The following ARHGEF7 variants were observed in gnomAD, a reference collection of about 807,000 sequenced individuals.
The protein encoded by ARHGEF7 is PAK-interacting exchange factor beta.
In ARHGEF7, 33 loss-of-function variants were observed where a neutral mutation model predicts 109.8. The observed-to-expected ratio is 0.30, with a 90% CI of 0.23 to 0.40. ARHGEF7 has a LOEUF of 0.40. Ranked by LOEUF, ARHGEF7 falls within the 10% of genes least tolerant of loss-of-function variation. ARHGEF7 has a pLI of 1.00. For synonymous variants in ARHGEF7, 458 were observed against 424.6 expected, an observed-to-expected ratio of 1.08 and a Z score of -0.97; for missense variants, 938 against 1,098.5, an observed-to-expected ratio of 0.85 and a Z score of 2.07.
At chr13:111,302,722 C>G (rs575314792) in intron 21 of ARHGEF7, among the ~76,000 whole-genome samples, 1 of 152,134 alleles carries the variant, frequency 6.6e-6, no homozygotes, top group Non-Finnish European at 1.5e-5. Context: ...TATTTTCTTA[C>G]GGTATGTTCT....
chr13:111,302,540 A>T (rs2093592993), intron 21 of ARHGEF7, among the ~76,000 whole-genome samples: 1 of 152,150 alleles, frequency 6.6e-6, no homozygotes, highest in Non-Finnish European at 1.5e-5. Flanking sequence ...CTGTTTGTGC[A>T]TGCCTCCTAC....
chr13:111,165,347 G>T (rs1321175287), intron 2 of ARHGEF7, among the ~76,000 whole-genome samples: 1 of 152,182 alleles, frequency 6.6e-6, no homozygotes, highest in Non-Finnish European at 1.5e-5. Flanking sequence ...GTGGGCAGCC[G>T]GGTAAGTCTT....
chr13:111,253,757 T>C (rs2090076761), intron 8 of ARHGEF7, among the ~76,000 whole-genome samples: 1 of 152,168 alleles, frequency 6.6e-6, no homozygotes, highest in African/African-American at 2.4e-5. Context: ...TGCTTGAGTG[T>C]TCTGGGTGCT....
chr13:111,164,117 T>G (rs751967734), intron 2 of ARHGEF7, among the ~76,000 whole-genome samples: 2 of 152,190 alleles, frequency 1.3e-5, no homozygotes, highest in Non-Finnish European at 2.9e-5. Flanking sequence ...GGACCCAGGT[T>G]TGTTGAGAAC....
rs12429461 is a variant in ARHGEF7, at chr13:111,172,336, C to T, written c.252+18345C>T. On this transcript the variant is annotated intron_variant, in intron 2 of 21. Coordinates refer to ENST00000646102, the MANE Select transcript of ARHGEF7 (RefSeq NM_001354046.2). ...ATTCAGTTCTATAAATGGAAGCACT[C>T]ACTGAATCAGTGCTCTAGGGGCTTT... 2.2e-3 allele frequency among the ~76,000 whole-genome samples: 335 copies of T among 151,960 alleles called. 3 individuals are homozygous for T. The highest frequency in any genetic ancestry group is 0.019 in the Admixed American group (288 of 15,276).
intron 2 of ARHGEF7, among the ~76,000 whole-genome samples, chr13:111,195,263 G>A (rs1266387238): frequency 6.6e-6 from 1 of 152,138 alleles, no homozygotes; most frequent in African/African-American, 2.4e-5. Context: ...TCAAGTAGGG[G>A]ACAACAAATG....
chr13:111,118,791 A>G (rs563533108), intron 1 of ARHGEF7, among the ~76,000 whole-genome samples: 14 of 152,368 alleles, frequency 9.2e-5, no homozygotes, highest in African/African-American at 3.4e-4. Flanking sequence ...TTGTGAATGC[A>G]ACAAATGAAG....
In ARHGEF7 at chr13:111,205,379, A is replaced by G. The variant is rs190582021; in HGVS notation, c.337+6A>G. The G allele has an allele frequency of 6.3e-7, 1 of 1,578,106 alleles. No individual in the cohort carries two copies. The highest frequency in any genetic ancestry group is 2.3e-5 in the East Asian group (1 of 43,096). On this transcript the variant is annotated splice_donor_region_variant and intron_variant, in intron 3 of 21. Transcript: ENST00000646102. ...TCTAAATAAAGTAACAGCAGGTAAG[A>G]CTCTTTTTTATTGAACTCGAGGGGG...
At chr13:111,225,589 C>G (rs4773336) in intron 5 of ARHGEF7, among the ~76,000 whole-genome samples, 39,121 of 151,776 alleles carry the variant, frequency 0.26, 6,026 homozygotes, top group East Asian at 0.78. Flanking sequence ...CATGTGCCCA[C>G]TTGTCCCAGT....
chr13:111,177,527 A>C (rs1428831869), intron 2 of ARHGEF7, among the ~76,000 whole-genome samples: 1 of 152,104 alleles, frequency 6.6e-6, no homozygotes, highest in African/African-American at 2.4e-5. Flanking sequence ...CCCCCTGAGA[A>C]TGTGTTCTCA....
chr13:111,161,355 TA>T (rs1417483692), intron 2 of ARHGEF7, among the ~76,000 whole-genome samples: 8 of 152,212 alleles, frequency 5.3e-5, no homozygotes, highest in East Asian at 3.9e-4. Flanking sequence ...GGGGACGGTA[TA>T]GGGGGAGGGA....
intron 1 of ARHGEF7, chr13:111,153,688 A>C: frequency 2.2e-5 from 28 of 1,259,350 alleles, no homozygotes; most frequent in East Asian, 1.5e-4. Flanking sequence ...GGGAAGGGGC[A>C]GAGATTGGTG....
intron 15 of ARHGEF7, 125 bp downstream of exon 15, chr13:111,280,802 C>T: frequency 9.1e-7 from 1 of 1,103,052 alleles, no homozygotes; most frequent in Middle Eastern, 3.1e-4. Context: ...AAAACACTTG[C>T]TTCACATTTC....
At chr13:111,150,306 A>G (rs773464224) in intron 1 of ARHGEF7, among the ~76,000 whole-genome samples, 25 of 152,154 alleles carry the variant, frequency 1.6e-4, no homozygotes, top group Non-Finnish European at 5.9e-5. Context: ...TTCTATTCTG[A>G]TATTTTGGCT....
At chr13:111,153,448 G>C (rs995191289) in intron 1 of ARHGEF7, among the ~76,000 whole-genome samples, 2 of 152,078 alleles carry the variant, frequency 1.3e-5, no homozygotes, top group African/African-American at 4.8e-5. Flanking sequence ...AGAGACCGAA[G>C]ACTGGACAGG....
intron 8 of ARHGEF7, among the ~76,000 whole-genome samples, chr13:111,246,356 A>G (rs986781845): frequency 4.6e-5 from 7 of 151,990 alleles, no homozygotes; most frequent in Non-Finnish European, 1.0e-4. Context: ...GCTTGTGCCT[A>G]TTTAGGTTTT....
At chr13:111,247,268 T>G (rs1486562060) in intron 8 of ARHGEF7, among the ~76,000 whole-genome samples, 4 of 145,032 alleles carry the variant, frequency 2.8e-5, no homozygotes, top group Non-Finnish European at 4.6e-5. Flanking sequence ...AGTTTCATAC[T>G]CATTCTTTTT....
intron 2 of ARHGEF7, among the ~76,000 whole-genome samples, chr13:111,175,673 A>G (rs566005084): frequency 6.6e-6 from 1 of 152,322 alleles, no homozygotes; most frequent in African/African-American, 2.4e-5. Context: ...ACGTCCTCAT[A>G]GCAGCCCTGG....
chr13:111,260,857 T>A (rs1052951126), intron 8 of ARHGEF7, among the ~76,000 whole-genome samples: 4 of 152,136 alleles, frequency 2.6e-5, no homozygotes, highest in African/African-American at 9.7e-5. Context: ...AAAGTTAAAG[T>A]GTAGAGTTTT....
Sources: allele counts gnomAD v4.1 joint callset (sites outside exome capture counted in the v4.1 genomes callset), GRCh38; gene constraint gnomAD v4.1.1; transcripts MANE v1.5; gene names NCBI Gene and HGNC (gene_info 2026-07-23, HGNC 2026-07-21).